Variants in GSK3B observed in about 807,000 individuals in gnomAD.
GSK3B encodes glycogen synthase kinase 3 beta, also known as glycogen synthase kinase-3 beta.
GSK3B carries 15 observed loss-of-function variants against 56.4 expected under a neutral mutation model. That is an observed-to-expected ratio of 0.27 (90% CI 0.18 to 0.41). GSK3B has a LOEUF of 0.41. GSK3B is among the 10% of genes least tolerant of loss of function. GSK3B has a pLI of 1.00. For missense variants in GSK3B, 300 were observed against 513.4 expected, an observed-to-expected ratio of 0.58 and a Z score of 4.02; for synonymous variants, 181 against 188.9, an observed-to-expected ratio of 0.96 and a Z score of 0.34.
chr3:119,957,429 T>C (rs1476015002), intron 2 of GSK3B, among the ~76,000 whole-genome samples: 1 of 152,226 alleles, frequency 6.6e-6, no homozygotes, highest in African/African-American at 2.4e-5. Flanking sequence ...CGGACTTTTA[T>C]ATCCTGACAG....
At chr3:119,976,324 A>C (rs1232117728) in intron 2 of GSK3B, among the ~76,000 whole-genome samples, 1 of 152,170 alleles carries the variant, frequency 6.6e-6, no homozygotes, top group Admixed American at 6.5e-5. Context: ...AAACAATCTA[A>C]ATGTTCATCA....
intron 2 of GSK3B, among the ~76,000 whole-genome samples, chr3:119,979,111 T>C (rs1008096450): frequency 1.3e-5 from 2 of 152,188 alleles, no homozygotes; most frequent in Admixed American, 1.3e-4. Context: ...TAACACAGCC[T>C]GGCCCCAAAA....
intron 1 of GSK3B, among the ~76,000 whole-genome samples, chr3:120,010,245 C>T (rs909561367): frequency 1.3e-5 from 2 of 152,042 alleles, no homozygotes; most frequent in African/African-American, 4.8e-5. Context: ...AATTATCATG[C>T]CCCACCCCCC....
At position 119,991,332 on chromosome 3, in the gene GSK3B, A is replaced by G. The variant is rs73854757; in HGVS notation, c.282+10714T>C. ...TAAGATAGTTTAAGTACTCTGTCACAGTATGATGGACAACAGTGGGAAAAA... is the reference window on the plus strand; with the variant it reads ...TAAGATAGTTTAAGTACTCTGTCACGGTATGATGGACAACAGTGGGAAAAA... On this transcript the variant is annotated intron_variant, in intron 2 of 10. Coordinates refer to ENST00000264235, the MANE Select transcript of GSK3B (RefSeq NM_001146156.2). 6.3e-3 allele frequency among the ~76,000 whole-genome samples: 965 copies of G among 152,296 alleles called. 12 individuals carry two copies. The highest frequency in any genetic ancestry group is 0.02 in the African/African-American group (825 of 41,560).
intron 1 of GSK3B, among the ~76,000 whole-genome samples, chr3:120,025,547 ATTG>A (rs1425152289): frequency 6.6e-6 from 1 of 152,236 alleles, no homozygotes; most frequent in Non-Finnish European, 1.5e-5. Context: ...AAGGATAATT[ATTG>A]TTCCATAAGT....
At chr3:120,078,704 C>T (rs761248917) in intron 1 of GSK3B, among the ~76,000 whole-genome samples, 6 of 151,290 alleles carry the variant, frequency 4.0e-5, no homozygotes, top group Admixed American at 6.6e-5. Flanking sequence ...AAGCGTGCAC[C>T]ACCATGCCCA....
At chr3:119,839,753 T>C (rs1480730007) in intron 10 of GSK3B, among the ~76,000 whole-genome samples, 1 of 152,210 alleles carries the variant, frequency 6.6e-6, no homozygotes, top group African/African-American at 2.4e-5. Context: ...TGTCATAAAC[T>C]AAAAGTGGCT....
intron 1 of GSK3B, chr3:120,028,936 G>A: frequency 1.8e-6 from 1 of 551,696 alleles, no homozygotes; most frequent in East Asian, 3.6e-5. Flanking sequence ...ATCAGACACA[G>A]GCACAAGTGG....
At chr3:119,964,767 C>CA (rs2057303899) in intron 2 of GSK3B, among the ~76,000 whole-genome samples, 1 of 151,674 alleles carries the variant, frequency 6.6e-6, no homozygotes, top group Non-Finnish European at 1.5e-5. Context: ...CCTACCCTCT[C>CA]AAAAAAATGA....
At chr3:119,914,468 G>T (rs2056763268) in intron 5 of GSK3B, among the ~76,000 whole-genome samples, 1 of 152,034 alleles carries the variant, frequency 6.6e-6, no homozygotes, top group African/African-American at 2.4e-5. Context: ...TCTAACCTTG[G>T]TGTCTCAGTC....
At chr3:119,937,874 T>C (rs1046659711) in intron 3 of GSK3B, among the ~76,000 whole-genome samples, 3 of 151,858 alleles carry the variant, frequency 2.0e-5, no homozygotes, top group African/African-American at 7.3e-5. Context: ...TAAAAGAGTT[T>C]AGATGTAGGG....
At chr3:119,961,552 C>T (rs1230902500) in intron 2 of GSK3B, among the ~76,000 whole-genome samples, 1 of 149,962 alleles carries the variant, frequency 6.7e-6, no homozygotes, top group African/African-American at 2.5e-5. Flanking sequence ...CGCTTGAACC[C>T]AAAAGGCAGA....
chr3:119,930,201 C>T (rs1376230027), intron 3 of GSK3B, among the ~76,000 whole-genome samples: 1 of 151,792 alleles, frequency 6.6e-6, no homozygotes, highest in Non-Finnish European at 1.5e-5. Flanking sequence ...ATGCCAAGTT[C>T]AACAGAGATT....
intron 10 of GSK3B, among the ~76,000 whole-genome samples, chr3:119,836,741 C>T (rs1402014294): frequency 2.0e-5 from 3 of 152,036 alleles, no homozygotes; most frequent in African/African-American, 4.8e-5. Flanking sequence ...TGACCAGTCA[C>T]GAAGAGGAAT....
At chr3:119,855,478 G>C (rs2056006115) in intron 9 of GSK3B, among the ~76,000 whole-genome samples, 1 of 152,096 alleles carries the variant, frequency 6.6e-6, no homozygotes, top group South Asian at 2.1e-4. Flanking sequence ...CCCATTACTG[G>C]GTGTATACCC....
intron 6 of GSK3B, among the ~76,000 whole-genome samples, chr3:119,907,610 T>A (rs77072942): frequency 0.034 from 5,250 of 152,178 alleles, 330 homozygotes; most frequent in African/African-American, 0.12. Context: ...AAAATAGAAA[T>A]AGTGCTTTGG....
chr3:120,065,582 C>G lies in GSK3B; in HGVS notation c.88+27765G>C, dbSNP rs1006434918. Among the ~76,000 whole-genome samples, 12 of 152,086 alleles carry G rather than the reference C, an allele frequency of 7.9e-5. 2 individuals are homozygous for G. Among genetic ancestry groups the G allele is most frequent in the Admixed American group, 7.9e-4 (12 of 15,278 alleles). On this transcript the variant is annotated intron_variant, in intron 1 of 10. Transcript: ENST00000264235. ...GTCCAGTAAATTAAACATAGAAACA[C>G]CATATGACCCTGCAATTTCATTATT...
At chr3:119,962,524 G>T (rs1024259761) in intron 2 of GSK3B, among the ~76,000 whole-genome samples, 2 of 151,976 alleles carry the variant, frequency 1.3e-5, no homozygotes, top group Non-Finnish European at 2.9e-5. Flanking sequence ...ACATAGTACT[G>T]TAAGTCCTAG....
chr3:119,949,937 G>T (rs1188923122), intron 2 of GSK3B, among the ~76,000 whole-genome samples: 1 of 151,094 alleles, frequency 6.6e-6, no homozygotes, highest in Admixed American at 6.6e-5. Context: ...ATCCTTATAC[G>T]ACATTCATGT....
Sources: gnomAD v4.1 joint callset for allele counts (sites outside exome capture counted in the v4.1 genomes callset) on GRCh38, gnomAD v4.1.1 for gene constraint, MANE v1.5 for transcripts, NCBI Gene and HGNC (gene_info 2026-07-23, HGNC 2026-07-21) for gene names.